Variants in XKR6 observed in about 807,000 individuals in gnomAD.
XKR6 encodes XK related 6.
In XKR6, 22 loss-of-function variants were observed where a neutral mutation model predicts 56.7. The observed-to-expected ratio is 0.39, with a 90% CI of 0.28 to 0.55. XKR6 has a LOEUF of 0.55. Ranked by LOEUF, XKR6 falls within the 20% of genes least tolerant of loss-of-function variation. The probability of loss-of-function intolerance (pLI) is 0.66; values close to 1 mark genes in which losing one functional copy is unlikely to be tolerated. For missense variants in XKR6, 852 were observed against 889.0 expected (o/e 0.96, Z 0.53); for synonymous variants, 524 against 387.8 (o/e 1.35, Z -4.13).
At chr8:10,927,111 CA>C in intron 1 of XKR6, among the ~76,000 whole-genome samples, 1 of 152,292 alleles carries the variant, frequency 6.6e-6, no homozygotes, top group African/African-American at 2.4e-5. Flanking sequence ...TTCCTGGAAG[CA>C]GATGTCATCA....
chr8:11,100,275 A>C (rs182894847), intron 1 of XKR6, among the ~76,000 whole-genome samples: 1 of 152,246 alleles, frequency 6.6e-6, no homozygotes, highest in East Asian at 1.9e-4. Flanking sequence ...GCTGGTCTCG[A>C]AATTCTTGGG....
rs1799924072 is a variant in XKR6, at chr8:10,897,738, C to T, written c.*214G>A. On this transcript the variant is annotated 3_prime_UTR_variant, in exon 3 of 3. Transcript: ENST00000416569. ...TTTACTTACAAAACATAGAGAATAT[C>T]TTTGTATACATACAGCGACTGGAAA... is the stretch of plus-strand genomic sequence containing the variant. The T allele has an allele frequency of 5.9e-6, 3 of 505,198 alleles. No homozygotes were observed. The highest frequency in any genetic ancestry group is 6.6e-6 in the Non-Finnish European group (2 of 303,902). The allele number at this position is 505,198 out of a possible 1,614,324, so 31.3% of individuals were successfully genotyped here.
intron 1 of XKR6, among the ~76,000 whole-genome samples, chr8:11,187,709 G>T (rs775198407): frequency 2.0e-5 from 3 of 152,190 alleles, no homozygotes; most frequent in Non-Finnish European, 4.4e-5. Flanking sequence ...GGCTGGTTTA[G>T]TCACCTCAGT....
intron 1 of XKR6, among the ~76,000 whole-genome samples, chr8:10,984,732 C>CTCTCTATATATATATA: frequency 9.3e-4 from 44 of 47,480 alleles, no homozygotes; most frequent in African/African-American, 2.4e-3. Flanking sequence ...CTCTCTCTCT[C>CTCTCTATATATATATA]TATATATATA....
intron 1 of XKR6, among the ~76,000 whole-genome samples, chr8:11,185,752 C>A (rs1803241811): frequency 6.6e-6 from 1 of 152,160 alleles, no homozygotes; most frequent in African/African-American, 2.4e-5. Flanking sequence ...CACATGGCTA[C>A]AATACTTTTC....
rs868052554 is a variant in XKR6, at chr8:11,084,973, G to C, written c.764+115603C>G. Among the ~76,000 whole-genome samples the C allele has an allele frequency of 7.9e-5, 12 of 152,198 alleles. 1 individual carries two copies. In the South Asian group the frequency reaches 2.5e-3, roughly 32 times the overall value. On this transcript the variant is annotated intron_variant, in intron 1 of 2. Coordinates refer to ENST00000416569, the MANE Select transcript of XKR6 (RefSeq NM_173683.4). ...CATCCAAGGTGCACCACCATCCCCA[G>C]GGTAAATGCCCCGCAACCACCTGCA... is the stretch of plus-strand genomic sequence containing the variant.
chr8:11,122,759 C>T (rs71518510), intron 1 of XKR6, among the ~76,000 whole-genome samples: 7,436 of 152,186 alleles, frequency 0.049, 258 homozygotes, highest in Non-Finnish European at 0.07. Context: ...CATTTTAGTT[C>T]ATATTTATTT....
chr8:11,137,415 G>T, intron 1 of XKR6: 1 of 362,288 alleles, frequency 2.8e-6, no homozygotes, highest in Non-Finnish European at 5.4e-6. Flanking sequence ...CTAGAATAGT[G>T]AGAAGAAATT....
chr8:11,145,716 T>G (rs1800946719), intron 1 of XKR6, among the ~76,000 whole-genome samples: 1 of 152,064 alleles, frequency 6.6e-6, no homozygotes, highest in Non-Finnish European at 1.5e-5. Context: ...TCTAAATAAA[T>G]GGAGAGATAC....
chr8:11,167,677 T>C (rs1336283446), intron 1 of XKR6, among the ~76,000 whole-genome samples: 1 of 152,158 alleles, frequency 6.6e-6, no homozygotes, highest in Non-Finnish European at 1.5e-5. Flanking sequence ...TTAAGCTTTT[T>C]CACCTTAGGC....
chr8:11,070,399 T>C (rs1220512004), intron 1 of XKR6, among the ~76,000 whole-genome samples: 2 of 152,204 alleles, frequency 1.3e-5, no homozygotes, highest in African/African-American at 2.4e-5. Context: ...TTCACATATG[T>C]AGTCAAGAAC....
intron 1 of XKR6, among the ~76,000 whole-genome samples, chr8:11,080,676 T>G (rs906342576): frequency 1.3e-5 from 2 of 152,190 alleles, no homozygotes; most frequent in Non-Finnish European, 2.9e-5. Context: ...AGCACTGGCT[T>G]ACGCTAGGAA....
chr8:10,912,693 A>C (rs1283880359), intron 2 of XKR6, among the ~76,000 whole-genome samples: 1 of 144,262 alleles, frequency 6.9e-6, no homozygotes, highest in Non-Finnish European at 1.5e-5. Flanking sequence ...GAGTGTATAT[A>C]TATATATATA....
chr8:11,000,669 A>C (rs1798217565), intron 1 of XKR6, among the ~76,000 whole-genome samples: 1 of 152,208 alleles, frequency 6.6e-6, no homozygotes, highest in Non-Finnish European at 1.5e-5. Flanking sequence ...TGGGCAAGAG[A>C]GCCAGACTCT....
chr8:11,094,460 G>A (rs1798205117), intron 1 of XKR6, among the ~76,000 whole-genome samples: 1 of 152,164 alleles, frequency 6.6e-6, no homozygotes, highest in Non-Finnish European at 1.5e-5. Context: ...AAAGTGCTGG[G>A]AGTACAGGCC....
intron 1 of XKR6, among the ~76,000 whole-genome samples, chr8:11,093,802 G>C (rs569208423): frequency 3.0e-4 from 45 of 151,516 alleles, no homozygotes; most frequent in African/African-American, 1.0e-3. Flanking sequence ...TTGTTTTTTT[G>C]AGATGGAGTC....
chr8:11,153,746 C>G (rs1211000769), intron 1 of XKR6, among the ~76,000 whole-genome samples: 1 of 152,188 alleles, frequency 6.6e-6, no homozygotes, highest in East Asian at 1.9e-4. Context: ...ATTCTTTGAT[C>G]TGCTCAAGCC....
At chr8:11,153,676 T>G (rs1226011639) in intron 1 of XKR6, among the ~76,000 whole-genome samples, 1 of 152,184 alleles carries the variant, frequency 6.6e-6, no homozygotes, top group Non-Finnish European at 1.5e-5. Flanking sequence ...GTAGCAGCAG[T>G]AATCCTCTAA....
At chr8:11,074,152 C>CT (rs1340149241) in intron 1 of XKR6, among the ~76,000 whole-genome samples, 1 of 152,230 alleles carries the variant, frequency 6.6e-6, no homozygotes, top group Admixed American at 6.5e-5. Flanking sequence ...AACAGGGAAT[C>CT]TGAGTATTTC....
Sources: allele counts gnomAD v4.1 joint callset (sites outside exome capture counted in the v4.1 genomes callset), GRCh38; gene constraint gnomAD v4.1.1; transcripts MANE v1.5; gene names NCBI Gene and HGNC (gene_info 2026-07-23, HGNC 2026-07-21).